MTA3: variants seen among roughly 807,000 people sequenced by gnomAD.
MTA3 encodes the protein metastasis associated 1 family member 3.
In MTA3, 34 loss-of-function variants were observed where a neutral mutation model predicts 83.5. The ratio of observed to expected loss-of-function variants is 0.41; its 90% CI spans 0.31 to 0.54. The LOEUF is 0.54. Ranked by LOEUF, MTA3 falls within the 20% of genes least tolerant of loss-of-function variation. MTA3 has a pLI of 0.33. For missense variants in MTA3, 761 were observed against 726.4 expected, an observed-to-expected ratio of 1.05 and a Z score of -0.55; for synonymous variants, 303 against 252.7, an observed-to-expected ratio of 1.20 and a Z score of -1.89.
intron 8 of MTA3, among the ~76,000 whole-genome samples, chr2:42,667,582 G>A (rs868720750): frequency 3.0e-4 from 39 of 129,008 alleles, no homozygotes; most frequent in African/African-American, 4.9e-4. Context: ...GTGTGTGTGT[G>A]TGTGTGTGTG....
At chr2:42,646,211 C>G (rs1688167493) in intron 6 of MTA3, among the ~76,000 whole-genome samples, 1 of 152,224 alleles carries the variant, frequency 6.6e-6, no homozygotes, top group African/African-American at 2.4e-5. Flanking sequence ...TTTTCAAAAA[C>G]TGCTCATTGA....
At chr2:42,584,804 C>G (rs1043657403) in intron 3 of MTA3, among the ~76,000 whole-genome samples, 2 of 152,054 alleles carry the variant, frequency 1.3e-5, no homozygotes, top group Admixed American at 6.6e-5. Context: ...GAGATTGAGG[C>G]TGCAGTGAGC....
intron 1 of MTA3, chr2:42,569,539 TTC>T (rs1348801479): frequency 6.6e-6 from 1 of 152,252 alleles, no homozygotes; most frequent in East Asian, 1.9e-4. Flanking sequence ...TGGCTCTTCC[TTC>T]TCTGCTCATT....
chr2:42,508,476 C>T (rs1393294529), intron 2 of MTA3, among the ~76,000 whole-genome samples: 1 of 151,876 alleles, frequency 6.6e-6, no homozygotes, highest in African/African-American at 2.4e-5. Flanking sequence ...GGACTACAGG[C>T]GTGTGACACT....
intron 2 of MTA3, among the ~76,000 whole-genome samples, chr2:42,501,841 G>T (rs372985549): frequency 1.1e-4 from 16 of 152,110 alleles, no homozygotes; most frequent in Admixed American, 3.3e-4. Context: ...AGATGGGCCT[G>T]GTGGCGCATG....
intron 16 of MTA3, among the ~76,000 whole-genome samples, chr2:42,739,484 A>G (rs544324290): frequency 1.3e-5 from 2 of 150,570 alleles, no homozygotes; most frequent in African/African-American, 2.4e-5. Flanking sequence ...TGAGCCTTCT[A>G]TGAGTCATAA....
At chr2:42,519,463 G>A (rs569584815) in intron 2 of MTA3, among the ~76,000 whole-genome samples, 7 of 151,954 alleles carry the variant, frequency 4.6e-5, no homozygotes, top group African/African-American at 9.7e-5. Context: ...AAAAGTAGCC[G>A]GGTGTGATGG....
chr2:42,740,631 C>T (rs10165980), intron 16 of MTA3, among the ~76,000 whole-genome samples: 46 of 152,352 alleles, frequency 3.0e-4, no homozygotes, highest in African/African-American at 1.0e-3. Context: ...TGTACATCTC[C>T]GTCAGAGCTC....
At chr2:42,531,806 G>A (rs1007398119) in intron 2 of MTA3, among the ~76,000 whole-genome samples, 3 of 150,946 alleles carry the variant, frequency 2.0e-5, no homozygotes, top group Non-Finnish European at 4.4e-5. Context: ...ACCCAGGCTG[G>A]AGTGCAGTGG....
At chr2:42,537,480 G>A (rs557494495) in intron 2 of MTA3, among the ~76,000 whole-genome samples, 8 of 151,994 alleles carry the variant, frequency 5.3e-5, no homozygotes, top group African/African-American at 7.2e-5. Flanking sequence ...CAGGAGAATC[G>A]CTTGAACCCG....
At position 42,753,480 on chromosome 2, in the gene MTA3, G is replaced by A; in HGVS notation, c.*81G>A. 6.5e-7 allele frequency: 1 copy of A among 1,547,966 alleles called. No homozygotes were observed. The highest frequency in any genetic ancestry group is 8.7e-7 in the Non-Finnish European group (1 of 1,145,528). On this transcript the variant is annotated 3_prime_UTR_variant, in exon 17 of 17. Coordinates refer to ENST00000405094, the MANE Select transcript of MTA3 (RefSeq NM_001330442.2). ...CACAGCCGTGCCTGGGAAGAAGGCAGCCCCACTCCCAGTACATTTCAGTGG... is the reference window on the plus strand; with the variant it reads ...CACAGCCGTGCCTGGGAAGAAGGCAACCCCACTCCCAGTACATTTCAGTGG...
At chr2:42,650,478 C>T (rs1417521299) in intron 6 of MTA3, among the ~76,000 whole-genome samples, 1 of 151,884 alleles carries the variant, frequency 6.6e-6, no homozygotes, top group Non-Finnish European at 1.5e-5. Context: ...CTTACTCTGT[C>T]ACCCAGGCTG....
chr2:42,581,107 G>A (rs559492378), intron 3 of MTA3, among the ~76,000 whole-genome samples: 3 of 149,460 alleles, frequency 2.0e-5, no homozygotes, highest in South Asian at 2.1e-4. Flanking sequence ...GTGTTTTTCT[G>A]TTTCTGTATA....
intron 2 of MTA3, among the ~76,000 whole-genome samples, chr2:42,518,007 GA>G (rs1277535332): frequency 6.6e-6 from 1 of 151,956 alleles, no homozygotes. Context: ...CCAACACGGT[GA>G]AACCCCTCCT....
chr2:42,543,556 C>G (rs900459763), intron 2 of MTA3, among the ~76,000 whole-genome samples: 25 of 151,984 alleles, frequency 1.6e-4, no homozygotes, highest in African/African-American at 6.0e-4. Flanking sequence ...AATTATAGCT[C>G]ATTGCAACAG....
At chr2:42,667,217 G>A (rs1314077830) in intron 8 of MTA3, among the ~76,000 whole-genome samples, 1 of 152,010 alleles carries the variant, frequency 6.6e-6, no homozygotes, top group Non-Finnish European at 1.5e-5. Context: ...CAGCTGTGAT[G>A]CACTTAAATT....
chr2:42,549,333 A>G lies in MTA3; in HGVS notation c.-140-21104A>G, dbSNP rs1319938773. 2.8e-3 allele frequency among the ~76,000 whole-genome samples: 338 copies of G among 122,882 alleles called. 5 individuals carry two copies. Among genetic ancestry groups the G allele is most frequent in the African/African-American group, 9.4e-3 (303 of 32,218 alleles). 80.6% of individuals were successfully genotyped at this position (122,882 alleles called of 152,430 possible). On this transcript the variant is annotated intron_variant, in intron 2 of 17. Coordinates refer to the MTA3 transcript ENST00000405592. ...ATAATATATAATATATTATATACGT[A>G]TACGTATACATTATATATTACATAT...
At chr2:42,517,444 A>G (rs547254408) in intron 2 of MTA3, among the ~76,000 whole-genome samples, 2 of 151,024 alleles carry the variant, frequency 1.3e-5, no homozygotes, top group South Asian at 4.2e-4. Context: ...GTGGTGGCAC[A>G]TGCCTGTAAT....
intron 3 of MTA3, chr2:42,581,799 T>G (rs1225166743): frequency 3.6e-6 from 1 of 280,204 alleles, no homozygotes; most frequent in Non-Finnish European, 6.9e-6. Flanking sequence ...GGAGTTTCGC[T>G]CTTGTTGCCC....
Sources: allele counts gnomAD v4.1 joint callset (sites outside exome capture counted in the v4.1 genomes callset), GRCh38; gene constraint gnomAD v4.1.1; transcripts MANE v1.5; gene names NCBI Gene and HGNC (gene_info 2026-07-23, HGNC 2026-07-21).